XRCC4: variants seen among roughly 807,000 people sequenced by gnomAD.
XRCC4 encodes DNA repair protein XRCC4.
Under a neutral mutation model 39.1 loss-of-function variants are expected in XRCC4, and 28 were observed. The ratio of observed to expected loss-of-function variants is 0.72; its 90% CI spans 0.53 to 0.98. The LOEUF is 0.98. Ranked by LOEUF, XRCC4 falls within the 50% of genes least tolerant of loss-of-function variation. XRCC4 has a pLI of 0.00. For synonymous variants in XRCC4, 123 were observed against 126.4 expected, an observed-to-expected ratio of 0.97 and a Z score of 0.18; for missense variants, 350 against 376.4, an observed-to-expected ratio of 0.93 and a Z score of 0.58.
intron 6 of XRCC4, among the ~76,000 whole-genome samples, chr5:83,232,871 C>A (rs76928929): frequency 0.016 from 2,422 of 152,172 alleles, 60 homozygotes; most frequent in African/African-American, 0.054. Context: ...TAATATTAGG[C>A]CTTCATGGCT....
chr5:83,367,863 G>C, the XRCC4 span, among the ~76,000 whole-genome samples: 1 of 151,816 alleles, frequency 6.6e-6, no homozygotes, highest in Admixed American at 6.6e-5. Context: ...AAAGTGCTGG[G>C]ATTACAGGCA....
chr5:83,339,331 A>G (rs554982283), intron 7 of XRCC4, among the ~76,000 whole-genome samples: 1 of 152,098 alleles, frequency 6.6e-6, no homozygotes, highest in East Asian at 1.9e-4. Context: ...TCATTCACAC[A>G]TGAGTCTTCT....
intron 3 of XRCC4, among the ~76,000 whole-genome samples, chr5:83,111,861 T>C (rs924728377): frequency 2.0e-4 from 31 of 152,284 alleles, no homozygotes; most frequent in African/African-American, 7.5e-4. Context: ...ATTTGTTTTT[T>C]TAACCAGTGG....
intron 6 of XRCC4, among the ~76,000 whole-genome samples, chr5:83,227,214 C>T (rs1324462617): frequency 2.0e-5 from 3 of 152,088 alleles, no homozygotes; most frequent in Non-Finnish European, 4.4e-5. Context: ...TTTCTCTCCA[C>T]TCCGTTGTCA....
chr5:83,369,205 C>T, the XRCC4 span, among the ~76,000 whole-genome samples: 9 of 152,054 alleles, frequency 5.9e-5, no homozygotes, highest in African/African-American at 1.9e-4. Context: ...TGGGATACAC[C>T]GTTAAAATAC....
At chr5:83,372,695 A>G in the XRCC4 span, among the ~76,000 whole-genome samples, 125 of 152,278 alleles carry the variant, frequency 8.2e-4, no homozygotes, top group African/African-American at 2.7e-3. Context: ...TCATTAATGT[A>G]TTTTCTCAAT....
chr5:83,122,330 A>G (rs1580250939), intron 3 of XRCC4, among the ~76,000 whole-genome samples: 2 of 152,140 alleles, frequency 1.3e-5, no homozygotes, highest in South Asian at 4.2e-4. Flanking sequence ...AGTGTTTCCT[A>G]CCCAGGGGAG....
At chr5:83,222,524 GT>G (rs1008156862) in intron 6 of XRCC4, among the ~76,000 whole-genome samples, 2 of 151,872 alleles carry the variant, frequency 1.3e-5, no homozygotes, top group African/African-American at 4.8e-5. Flanking sequence ...GTTCATATGT[GT>G]TTTTATGTGG....
chr5:83,270,930 C>T (rs1373148927), intron 7 of XRCC4, among the ~76,000 whole-genome samples: 1 of 151,862 alleles, frequency 6.6e-6, no homozygotes, highest in South Asian at 2.1e-4. Flanking sequence ...GGATCATAGG[C>T]GCCCGCCACC....
intron 3 of XRCC4, among the ~76,000 whole-genome samples, chr5:83,144,265 C>CTGTGTG (rs1378988695): frequency 1.5e-5 from 1 of 68,930 alleles, no homozygotes; most frequent in African/African-American, 4.7e-5. Flanking sequence ...AGTAATATTC[C>CTGTGTG]TCTGTGTGTG....
intron 3 of XRCC4, among the ~76,000 whole-genome samples, chr5:83,119,747 G>A (rs1336670356): frequency 6.6e-6 from 1 of 152,070 alleles, no homozygotes; most frequent in Admixed American, 6.6e-5. Flanking sequence ...CAATGTGGGA[G>A]GATCACTTGA....
intron 3 of XRCC4, among the ~76,000 whole-genome samples, chr5:83,187,273 T>G (rs1465951012): frequency 6.6e-6 from 1 of 152,154 alleles, no homozygotes. Context: ...GTTTTGTATC[T>G]CTCTGTGTGT....
At chr5:83,155,216 C>CACT (rs1398509753) in intron 3 of XRCC4, among the ~76,000 whole-genome samples, 1 of 152,098 alleles carries the variant, frequency 6.6e-6, no homozygotes, top group Non-Finnish European at 1.5e-5. Flanking sequence ...ACTAGAAATA[C>CACT]ACTCATATCA....
chr5:83,315,301 T>A (rs1755841564), intron 7 of XRCC4, among the ~76,000 whole-genome samples: 1 of 151,982 alleles, frequency 6.6e-6, no homozygotes, highest in South Asian at 2.1e-4. Context: ...CCGAGATTGG[T>A]TTAGGAGGTT....
chr5:83,116,243 A>G (rs1746704118), intron 3 of XRCC4, among the ~76,000 whole-genome samples: 1 of 152,170 alleles, frequency 6.6e-6, no homozygotes, highest in Admixed American at 6.5e-5. Flanking sequence ...CTAAACTTAG[A>G]AGAAAGGAAA....
chr5:83,371,753 G>A, the XRCC4 span, among the ~76,000 whole-genome samples: 1 of 152,200 alleles, frequency 6.6e-6, no homozygotes, highest in Non-Finnish European at 1.5e-5. Context: ...GTTGATGCAG[G>A]AAGGAGAAGG....
chr5:83,356,902 C>G (rs114025152), downstream of XRCC4, among the ~76,000 whole-genome samples: 1,974 of 152,136 alleles, frequency 0.013, 37 homozygotes, highest in African/African-American at 0.044. Context: ...TGGTATGGCT[C>G]CAGCCTCATT....
At chr5:83,146,628 C>T (rs569199754) in intron 3 of XRCC4, among the ~76,000 whole-genome samples, 6 of 152,230 alleles carry the variant, frequency 3.9e-5, no homozygotes, top group African/African-American at 1.4e-4. Flanking sequence ...TCATTTGTCA[C>T]GGTATTGCAA....
At chr5:83,235,578 G>T (rs1173830669) in intron 6 of XRCC4, among the ~76,000 whole-genome samples, 1 of 151,776 alleles carries the variant, frequency 6.6e-6, no homozygotes, top group South Asian at 2.1e-4. Context: ...CGTGACAAAG[G>T]TCATGTATGA....
Sources: gnomAD v4.1 joint callset for allele counts (sites outside exome capture counted in the v4.1 genomes callset) on GRCh38, gnomAD v4.1.1 for gene constraint, MANE v1.5 for transcripts, NCBI Gene and HGNC (gene_info 2026-07-23, HGNC 2026-07-21) for gene names.